Variants in SYNE3 observed in about 807,000 individuals in gnomAD.
SYNE3 encodes the protein spectrin repeat containing nuclear envelope family member 3.
Under a neutral mutation model 111.2 loss-of-function variants are expected in SYNE3, and 100 were observed. The ratio of observed to expected loss-of-function variants is 0.90; its 90% CI spans 0.77 to 1.06. The LOEUF is 1.06. SYNE3 is among the 50% of genes least tolerant of loss of function. SYNE3 has a pLI of 0.00. For missense variants in SYNE3, 1,160 were observed against 1,240.3 expected (o/e 0.94, Z 0.97); for synonymous variants, 547 against 533.9 (o/e 1.02, Z -0.34).
rs766342471 is a variant in SYNE3 at position 95,407,930 on chromosome 14, C to T, written c.*9896G>A. 1 of 152,156 alleles carries T rather than the reference C, an allele frequency of 6.6e-6. No homozygotes were observed. The highest frequency in any genetic ancestry group is 1.5e-5 in the Non-Finnish European group (1 of 68,044). 9.4% of individuals were successfully genotyped at this position (152,156 alleles called of 1,614,324 possible). A position where few individuals can be genotyped will look rare whatever the true frequency, so the allele number is the denominator to read the frequency against. ...AGTGGGTTTGCTCACATAGACTTAG[C>T]TTAGGGTAGAGTGAACTTGTTTATG... On this transcript the variant is annotated 3_prime_UTR_variant, in exon 18 of 18. Transcript: ENST00000682763.
chr14:95,454,987 T>A (rs959441953), intron 6 of SYNE3, among the ~76,000 whole-genome samples: 12 of 152,078 alleles, frequency 7.9e-5, no homozygotes, highest in African/African-American at 2.9e-4. Flanking sequence ...ATCTCCACAT[T>A]AAGAGTTTCC....
chr14:95,474,885 G>A (rs77846150), intron 2 of SYNE3, among the ~76,000 whole-genome samples: 5,710 of 152,330 alleles, frequency 0.037, 154 homozygotes, highest in Non-Finnish European at 0.058. Flanking sequence ...CCATTGTTGG[G>A]TGATAAATTA....
chr14:95,439,823 G>C, intron 12 of SYNE3, 39 bp from the exon 13 acceptor site: 1 of 1,594,196 alleles, frequency 6.3e-7, no homozygotes, highest in Non-Finnish European at 8.6e-7. Context: ...CACACGGTGA[G>C]GGTGGAGGGA....
chr14:95,431,939 G>T, intron 17 of SYNE3, 140 bp downstream of exon 17: 1 of 982,972 alleles, frequency 1.0e-6, no homozygotes, highest in Non-Finnish European at 1.5e-6. Context: ...GCGCAGCCCA[G>T]AGTTGATCCC....
chr14:95,499,854 G>GTTTTTTT (rs1890259277), intron 1 of SYNE3, among the ~76,000 whole-genome samples: 1 of 53,754 alleles, frequency 1.9e-5, no homozygotes, highest in African/African-American at 9.6e-5. Flanking sequence ...ACTAACTCTT[G>GTTTTTTT]TCTTTTTTTT....
At chr14:95,465,395 GT>G (rs1335171192) in intron 4 of SYNE3, among the ~76,000 whole-genome samples, 2 of 152,170 alleles carry the variant, frequency 1.3e-5, no homozygotes, top group Non-Finnish European at 2.9e-5. Flanking sequence ...GGGTAGCTAG[GT>G]GGGTGGATGG....
intron 1 of SYNE3, among the ~76,000 whole-genome samples, chr14:95,477,594 G>A (rs1376535311): frequency 6.6e-6 from 1 of 152,336 alleles, no homozygotes; most frequent in East Asian, 1.9e-4. Context: ...GAACCCACAA[G>A]AGAGAAGGAG....
rs572101798 is a variant in SYNE3, at chr14:95,424,037, G to A, written c.2728-6011C>T. 2.9e-4 allele frequency among the ~76,000 whole-genome samples: 44 copies of A among 152,076 alleles called. 4 individuals carry two copies. In the South Asian group the frequency reaches 8.5e-3, roughly 29 times the overall value. ...GATGTGATGAGTGGGAGGTGCCTGTGGGACCCCCAAGGAAACATCTAATGG... is the reference window on the plus strand; with the variant it reads ...GATGTGATGAGTGGGAGGTGCCTGTAGGACCCCCAAGGAAACATCTAATGG... On this transcript the variant is annotated intron_variant, in intron 17 of 17. Coordinates refer to ENST00000682763, the MANE Select transcript of SYNE3 (RefSeq NM_152592.6).
In SYNE3 at chr14:95,474,693, G is replaced by T. The variant is rs150310552; in HGVS notation, c.144+985C>A. Among the ~76,000 whole-genome samples, 607 of 152,290 alleles carry T rather than the reference G, an allele frequency of 4.0e-3. 2 individuals are homozygous for T. The highest frequency in any genetic ancestry group is 6.4e-3 in the Non-Finnish European group (435 of 68,022). On this transcript the variant is annotated intron_variant, in intron 2 of 17. Coordinates refer to ENST00000682763, the MANE Select transcript of SYNE3 (RefSeq NM_152592.6). ...GTGATGAGGATTGTTAATTCCCACG[G>T]TCCACTTCCAGAAAGGGCATGAGAT... is the stretch of plus-strand genomic sequence containing the variant.
chr14:95,485,483 G>C lies in SYNE3; in HGVS notation c.-14-9648C>G, dbSNP rs1453753758. On this transcript the variant is annotated intron_variant, in intron 1 of 17. Transcript: ENST00000682763. The surrounding 1 kb of genome is among the most constrained non-coding windows in gnomAD (Gnocchi z 4.3). The stretch of plus-strand genomic sequence containing the variant: ...TGAAGGTAAACTGAGAGAGTCGGCT[G>C]CTCCCCGACCAAAGACAGGACGCCC... 6.6e-6 allele frequency among the ~76,000 whole-genome samples: 1 copy of C among 152,124 alleles called. No individual in the cohort carries two copies. Among genetic ancestry groups the C allele is most frequent in the Non-Finnish European group, 1.5e-5 (1 of 67,998 alleles).
intron 1 of SYNE3, among the ~76,000 whole-genome samples, chr14:95,488,850 C>G (rs1000665922): frequency 6.6e-6 from 1 of 152,212 alleles, no homozygotes; most frequent in African/African-American, 2.4e-5. Context: ...CAACACTGTA[C>G]GGTCAGTCTT....
At chr14:95,495,754 C>G (rs1890064651) in intron 1 of SYNE3, among the ~76,000 whole-genome samples, 1 of 152,226 alleles carries the variant, frequency 6.6e-6, no homozygotes. Context: ...GAGGAGGGTT[C>G]CTTTTTGACT....
At chr14:95,478,222 C>T (rs1264902452) in intron 1 of SYNE3, among the ~76,000 whole-genome samples, 1 of 152,182 alleles carries the variant, frequency 6.6e-6, no homozygotes, top group East Asian at 1.9e-4. Context: ...TGCTTCAGTT[C>T]AATGAAACAC....
At position 95,411,502 on chromosome 14, in the gene SYNE3, G is replaced by A. The variant is rs1349049536; in HGVS notation, c.*6324C>T. The A allele has an allele frequency of 6.6e-6, 1 of 152,182 alleles. No homozygotes were observed. Among genetic ancestry groups the A allele is most frequent in the Non-Finnish European group, 1.5e-5 (1 of 68,040 alleles). 9.4% of individuals were successfully genotyped at this position (152,182 alleles called of 1,614,324 possible). On this transcript the variant is annotated 3_prime_UTR_variant, in exon 18 of 18. Transcript: ENST00000682763. The stretch of plus-strand genomic sequence containing the variant: ...GGTCAGAGAGTGGGGAGTGGGAAAG[G>A]TTGGTGATCAACTATTTTGATGTCT...
In SYNE3 at chr14:95,500,952, TTC is replaced by T. The variant is rs1025253097; in HGVS notation, c.-15+15642_-15+15643del. 6.6e-6 allele frequency among the ~76,000 whole-genome samples: 1 copy of T among 152,230 alleles called. No individual in the cohort carries two copies. The highest frequency in any genetic ancestry group is 2.4e-5 in the African/African-American group (1 of 41,460). Reference sequence around the variant, plus strand: ...ATCCCGTCTGACTTTCTAAAATATTTTCTCTCTCCTCTCAGACAATACTGGCT... The same window carrying T: ...ATCCCGTCTGACTTTCTAAAATATTTTCTCTCCTCTCAGACAATACTGGCT... On this transcript the variant is annotated intron_variant, in intron 1 of 17. Coordinates refer to ENST00000682763, the MANE Select transcript of SYNE3 (RefSeq NM_152592.6). The surrounding 1 kb of genome is among the most constrained non-coding windows in gnomAD (Gnocchi z 4.7).
chr14:95,453,562 C>G (rs1166729444), intron 6 of SYNE3, among the ~76,000 whole-genome samples: 1 of 152,254 alleles, frequency 6.6e-6, no homozygotes, highest in Non-Finnish European at 1.5e-5. Flanking sequence ...AATTAGTTAG[C>G]AAACATAATG....
intron 1 of SYNE3, among the ~76,000 whole-genome samples, chr14:95,507,552 C>T (rs1272256155): frequency 6.6e-6 from 1 of 152,200 alleles, no homozygotes; most frequent in Non-Finnish European, 1.5e-5. Flanking sequence ...GCCTGGATCC[C>T]CCTCCCTGGG....
At chr14:95,515,681 C>A (rs1890892742) in intron 1 of SYNE3, among the ~76,000 whole-genome samples, 1 of 140,216 alleles carries the variant, frequency 7.1e-6, no homozygotes, top group Non-Finnish European at 1.6e-5. Flanking sequence ...CTGTAGAAAG[C>A]CCCCCCACCC....
chr14:95,494,531 G>A lies in SYNE3; in HGVS notation c.-14-18696C>T, dbSNP rs554338312. Among the ~76,000 whole-genome samples the A allele has an allele frequency of 7.9e-5, 12 of 152,306 alleles. No homozygotes were observed. In the Middle Eastern group the frequency reaches 0.014, roughly 173 times the overall value. On this transcript the variant is annotated intron_variant, in intron 1 of 17. Coordinates refer to ENST00000682763, the MANE Select transcript of SYNE3 (RefSeq NM_152592.6). ...AGAGACGGGAGGAGGCCATACTGGA[G>A]AGCAGGCTGAGGGGACTGAACAGCA... is the stretch of plus-strand genomic sequence containing the variant.
Sources: allele counts gnomAD v4.1 joint callset (sites outside exome capture counted in the v4.1 genomes callset), GRCh38; gene constraint gnomAD v4.1.1; non-coding constraint Gnocchi (gnomAD v3.1); transcripts MANE v1.5; gene names NCBI Gene and HGNC (gene_info 2026-07-23, HGNC 2026-07-21).